The following LTBP1 variants were observed in gnomAD, a reference collection of about 807,000 sequenced individuals.
LTBP1 encodes latent transforming growth factor beta binding protein 1, also known as latent-transforming growth factor beta-binding protein 1.
A neutral mutation model predicts 207.6 loss-of-function variants in LTBP1; 129 were observed. The observed-to-expected ratio is 0.62, with a 90% CI of 0.54 to 0.72. LTBP1 has a LOEUF of 0.72. LTBP1 is among the 30% of genes least tolerant of loss of function. The probability of loss-of-function intolerance (pLI) is 0.00; values close to 1 mark genes in which losing one functional copy is unlikely to be tolerated. For missense variants in LTBP1, 2,281 were observed against 2,217.2 expected (o/e 1.03, Z -0.58); for synonymous variants, 963 against 833.7 (o/e 1.16, Z -2.67).
chr2:33,364,332 T>C lies in LTBP1; in HGVS notation c.4516T>C (p.Cys1506Arg). The change falls in exon 30 of 34, where the codon TGT becomes CGT. Residue 1506 changes from cysteine to arginine, a missense_variant. This residue lies in a region of LTBP1 where 1,671 missense variants were observed against 1,634.8 expected (regional missense o/e 1.02). Coordinates refer to ENST00000404816, the MANE Select transcript of LTBP1 (RefSeq NM_206943.4). ...GGTCCTGGATGCGTCAGAAAAAAGA[T>C]GTATACGACCGGCTGAGTCAAACGG... Reference protein sequence around the residue: ...PMVLDASEKRCIRPAESNEQI... With the variant: ...PMVLDASEKRRIRPAESNEQI... 6.2e-7 allele frequency: 1 copy of C among 1,613,920 alleles called. No individual in the cohort carries two copies. The highest frequency in any genetic ancestry group is 1.1e-5 in the South Asian group (1 of 90,984).
At chr2:33,114,560 C>T (rs184653775) in intron 4 of LTBP1, among the ~76,000 whole-genome samples, 109 of 152,254 alleles carry the variant, frequency 7.2e-4, no homozygotes, top group African/African-American at 2.5e-3. Flanking sequence ...TCAGTGTCCC[C>T]ACCAACCCAC....
chr2:33,049,094 G>A (rs528026835), intron 3 of LTBP1, among the ~76,000 whole-genome samples: 4 of 152,250 alleles, frequency 2.6e-5, no homozygotes, highest in East Asian at 1.9e-4. Flanking sequence ...TACACAGAGA[G>A]CACTTGTAAA....
intron 5 of LTBP1, among the ~76,000 whole-genome samples, chr2:33,177,735 C>T (rs2086204615): frequency 6.6e-6 from 1 of 152,116 alleles, no homozygotes; most frequent in African/African-American, 2.4e-5. Flanking sequence ...TATAATTTAC[C>T]ATCTGCCAAT....
intron 3 of LTBP1, among the ~76,000 whole-genome samples, chr2:33,107,702 T>C (rs940597146): frequency 6.6e-6 from 1 of 152,328 alleles, no homozygotes; most frequent in East Asian, 1.9e-4. Context: ...GAACCCTGGA[T>C]TTATATCTTT....
intron 15 of LTBP1, among the ~76,000 whole-genome samples, chr2:33,271,380 C>A (rs1338175409): frequency 1.3e-5 from 2 of 151,772 alleles, no homozygotes; most frequent in Non-Finnish European, 2.9e-5. Context: ...AGGTCAATAA[C>A]CACCCGGGAA....
chr2:33,188,494 A>C, intron 6 of LTBP1, 83 bp from the exon 7 acceptor site: 1 of 1,158,624 alleles, frequency 8.6e-7, no homozygotes, highest in Non-Finnish European at 1.2e-6. Flanking sequence ...GCATGTTTAT[A>C]AAATTTACTT....
intron 5 of LTBP1, among the ~76,000 whole-genome samples, chr2:33,153,194 T>G (rs1334728455): frequency 6.6e-6 from 1 of 152,240 alleles, no homozygotes; most frequent in Non-Finnish European, 1.5e-5. Context: ...AATCAAAGGA[T>G]GATTTTGTAC....
intron 23 of LTBP1, among the ~76,000 whole-genome samples, chr2:33,312,044 T>C (rs1243711473): frequency 6.6e-6 from 1 of 152,204 alleles, no homozygotes; most frequent in Non-Finnish European, 1.5e-5. Flanking sequence ...AGAAGCTGTA[T>C]ATGATGGCAT....
intron 3 of LTBP1, among the ~76,000 whole-genome samples, chr2:33,065,108 A>G (rs2077443658): frequency 6.6e-6 from 1 of 152,196 alleles, no homozygotes; most frequent in African/African-American, 2.4e-5. Context: ...GTTTCCTTTT[A>G]TCATGAAGGC....
chr2:32,978,934 G>A (rs1301034425), intron 2 of LTBP1, among the ~76,000 whole-genome samples: 2 of 151,714 alleles, frequency 1.3e-5, no homozygotes, highest in African/African-American at 2.4e-5. Context: ...ATCTTGGTAG[G>A]TTGTATGTGT....
At chr2:33,338,836 A>G (rs2094582614) in intron 24 of LTBP1, among the ~76,000 whole-genome samples, 1 of 152,194 alleles carries the variant, frequency 6.6e-6, no homozygotes, top group Non-Finnish European at 1.5e-5. Context: ...TAATTGAGCC[A>G]GAGTGCAAAT....
intron 3 of LTBP1, among the ~76,000 whole-genome samples, chr2:33,037,481 A>G (rs1402098797): frequency 6.6e-6 from 1 of 152,090 alleles, no homozygotes; most frequent in Non-Finnish European, 1.5e-5. Context: ...GACTCTTTTC[A>G]AATTTCCTTA....
intron 15 of LTBP1, among the ~76,000 whole-genome samples, chr2:33,264,402 A>G (rs1449507246): frequency 1.3e-5 from 2 of 152,156 alleles, no homozygotes; most frequent in African/African-American, 2.4e-5. Context: ...TCTTTAATAT[A>G]TTTTTATTTT....
At chr2:33,350,360 G>T (rs2094763964) in intron 26 of LTBP1, among the ~76,000 whole-genome samples, 1 of 152,178 alleles carries the variant, frequency 6.6e-6, no homozygotes, top group Non-Finnish European at 1.5e-5. Context: ...AGGAAGGCAG[G>T]TTTCAGGTCA....
At chr2:33,026,196 G>A (rs1462972227) in intron 3 of LTBP1, among the ~76,000 whole-genome samples, 1 of 152,082 alleles carries the variant, frequency 6.6e-6, no homozygotes, top group African/African-American at 2.4e-5. Context: ...GTAGTCAAAC[G>A]GATGATTTCC....
intron 7 of LTBP1, among the ~76,000 whole-genome samples, chr2:33,193,391 C>T (rs533205994): frequency 2.6e-5 from 4 of 152,314 alleles, no homozygotes; most frequent in Non-Finnish European, 4.4e-5. Flanking sequence ...ATCCACCCGC[C>T]TTGGCCTCCC....
intron 2 of LTBP1, among the ~76,000 whole-genome samples, chr2:32,979,791 A>C (rs1682475175): frequency 6.6e-6 from 1 of 152,122 alleles, no homozygotes. Context: ...TAAAGTTTTC[A>C]GCTATTATTT....
At chr2:33,205,397 A>G (rs1005249558) in intron 7 of LTBP1, among the ~76,000 whole-genome samples, 3 of 152,364 alleles carry the variant, frequency 2.0e-5, no homozygotes, top group African/African-American at 7.2e-5. Flanking sequence ...AACTAGGCAC[A>G]CATGAATTGT....
intron 3 of LTBP1, among the ~76,000 whole-genome samples, chr2:33,093,161 A>G (rs768594413): frequency 3.9e-5 from 6 of 152,220 alleles, no homozygotes; most frequent in Non-Finnish European, 8.8e-5. Context: ...TTTGTTCATA[A>G]CATTCTAAGC....
Sources: gnomAD v4.1 joint callset for allele counts (sites outside exome capture counted in the v4.1 genomes callset) on GRCh38, gnomAD v4.1.1 for gene constraint, gnomAD v4.1.1 regional missense constraint, MANE v1.5 for transcripts, NCBI Gene and HGNC (gene_info 2026-07-23, HGNC 2026-07-21) for gene names.